The following CTNNA3 variants were observed in gnomAD, a reference collection of about 807,000 sequenced individuals.
CTNNA3 encodes the protein catenin alpha 3.
CTNNA3 carries 76 observed loss-of-function variants against 95.7 expected under a neutral mutation model. The ratio of observed to expected loss-of-function variants is 0.79; its 90% CI spans 0.66 to 0.96. CTNNA3 has a LOEUF of 0.96. Among genes scored for constraint, CTNNA3 ranks in the 40% least tolerant of loss-of-function variants. The pLI is 0.00. For missense variants in CTNNA3, 1,191 were observed against 1,089.8 expected, an observed-to-expected ratio of 1.09 and a Z score of -1.31; for synonymous variants, 431 against 374.4, an observed-to-expected ratio of 1.15 and a Z score of -1.74.
chr10:65,936,964 T>C (rs900234014), intron 17 of CTNNA3, among the ~76,000 whole-genome samples: 5 of 151,852 alleles, frequency 3.3e-5, no homozygotes, highest in African/African-American at 1.2e-4. Flanking sequence ...ACATGACAAT[T>C]ACATAAGTTA....
At chr10:66,513,429 T>C (rs1201496614) in intron 11 of CTNNA3, among the ~76,000 whole-genome samples, 1 of 152,160 alleles carries the variant, frequency 6.6e-6, no homozygotes, top group East Asian at 1.9e-4. Context: ...CTGAAAGCTG[T>C]GATGTGACTT....
At chr10:66,424,646 G>C (rs2093223793) in intron 11 of CTNNA3, among the ~76,000 whole-genome samples, 3 of 151,930 alleles carry the variant, frequency 2.0e-5, no homozygotes, top group Admixed American at 2.0e-4. Flanking sequence ...AGATAATGTA[G>C]TTTATAGTGA....
intron 7 of CTNNA3, among the ~76,000 whole-genome samples, chr10:66,888,913 C>T (rs1845149872): frequency 6.6e-6 from 1 of 152,194 alleles, no homozygotes; most frequent in African/African-American, 2.4e-5. Context: ...CTAAAACCTA[C>T]ACACGGATGT....
In CTNNA3 at chr10:66,360,761, TTCCTTCCTTTTC is replaced by T. The variant is rs1486131445; in HGVS notation, c.1732+18379_1732+18390del. Among the ~76,000 whole-genome samples the T allele has an allele frequency of 2.8e-4, 35 of 127,228 alleles. 2 individuals are homozygous for T. The highest frequency in any genetic ancestry group is 8.8e-4 in the African/African-American group (31 of 35,170). 83.5% of individuals were successfully genotyped at this position (127,228 alleles called of 152,430 possible). Reference sequence around the variant, plus strand: ...CTTTCTTTCTTCCTTCCTTCCTTCCTTCCTTCCTTTTCTTTCTTTCTTTCTTCCTTCCTTCCT... The same window carrying T: ...CTTTCTTTCTTCCTTCCTTCCTTCCTTTTCTTTCTTTCTTCCTTCCTTCCT... On this transcript the variant is annotated intron_variant, in intron 12 of 17. Transcript: ENST00000433211.
intron 12 of CTNNA3, among the ~76,000 whole-genome samples, chr10:66,304,011 A>G (rs1030706239): frequency 2.6e-5 from 4 of 152,208 alleles, no homozygotes; most frequent in Non-Finnish European, 5.9e-5. Context: ...AAGGAAATGT[A>G]AACTAAGAAA....
intron 9 of CTNNA3, among the ~76,000 whole-genome samples, chr10:66,624,409 G>GA (rs1471567432): frequency 6.6e-6 from 1 of 151,788 alleles, no homozygotes; most frequent in African/African-American, 2.4e-5. Flanking sequence ...AAAAAGAAAA[G>GA]AAAAAAAGAA....
chr10:66,590,825 G>C (rs1380461331), intron 10 of CTNNA3, among the ~76,000 whole-genome samples: 1 of 151,966 alleles, frequency 6.6e-6, no homozygotes, highest in Non-Finnish European at 1.5e-5. Flanking sequence ...AACTGATAAT[G>C]CATTTGATTA....
At chr10:66,698,439 T>C (rs1232708970) in intron 9 of CTNNA3, among the ~76,000 whole-genome samples, 2 of 152,104 alleles carry the variant, frequency 1.3e-5, no homozygotes, top group African/African-American at 4.8e-5. Flanking sequence ...CCAAAATACC[T>C]GCAGGTGGTA....
chr10:66,716,681 CT>C (rs1848461095), intron 9 of CTNNA3, among the ~76,000 whole-genome samples: 1 of 152,110 alleles, frequency 6.6e-6, no homozygotes, highest in Non-Finnish European at 1.5e-5. Flanking sequence ...GGACAAAGAC[CT>C]TTCTTTCCTG....
At chr10:66,331,302 A>G (rs1456951116) in intron 12 of CTNNA3, among the ~76,000 whole-genome samples, 1 of 142,208 alleles carries the variant, frequency 7.0e-6, no homozygotes, top group African/African-American at 2.7e-5. Context: ...CAGTTTTCCC[A>G]GCACCATTTA....
chr10:66,432,044 T>C (rs1339983050), intron 11 of CTNNA3, among the ~76,000 whole-genome samples: 2 of 152,114 alleles, frequency 1.3e-5, no homozygotes, highest in African/African-American at 4.8e-5. Context: ...GAAAAGTTTG[T>C]GTTTTGATCT....
chr10:66,605,266 A>G (rs1226645752), intron 10 of CTNNA3, among the ~76,000 whole-genome samples: 1 of 152,174 alleles, frequency 6.6e-6, no homozygotes, highest in African/African-American at 2.4e-5. Context: ...GAGAAAAAAG[A>G]ATGAAAAGGA....
intron 10 of CTNNA3, among the ~76,000 whole-genome samples, chr10:66,572,474 T>A (rs532593790): frequency 4.6e-5 from 7 of 151,668 alleles, no homozygotes; most frequent in Non-Finnish European, 8.8e-5. Context: ...TATCTCTACA[T>A]CTACCTATCT....
intron 12 of CTNNA3, among the ~76,000 whole-genome samples, chr10:66,330,243 C>T (rs574407077): frequency 1.2e-3 from 178 of 151,424 alleles, no homozygotes; most frequent in African/African-American, 4.2e-3. Context: ...CAACAGGCCC[C>T]GGTGTGTGAT....
At position 66,901,704 on chromosome 10, in the gene CTNNA3, CA is replaced by C. The variant is rs541814394; in HGVS notation, c.1048-126181del. ...AAGATCTACCAAGCAAATGGAAAGCCAAAAAAAAGCAGGGGTTGCAATCCTA... is the reference window on the plus strand; with the variant it reads ...AAGATCTACCAAGCAAATGGAAAGCCAAAAAAAGCAGGGGTTGCAATCCTA... On this transcript the variant is annotated intron_variant, in intron 7 of 17. Transcript: ENST00000433211. Among the ~76,000 whole-genome samples the C allele has an allele frequency of 6.2e-4, 93 of 150,802 alleles. 1 individual carries two copies. The East Asian group carries it at 0.015, about 24-fold the overall frequency.
chr10:66,878,769 G>A (rs1377897201), intron 7 of CTNNA3, among the ~76,000 whole-genome samples: 2 of 152,054 alleles, frequency 1.3e-5, no homozygotes, highest in Non-Finnish European at 2.9e-5. Context: ...TTTCATACCT[G>A]TACAGTGGCC....
intron 5 of CTNNA3, among the ~76,000 whole-genome samples, chr10:67,296,740 C>A (rs1316663251): frequency 2.6e-5 from 4 of 151,776 alleles, no homozygotes; most frequent in Non-Finnish European, 5.9e-5. Context: ...TCAAGACCAG[C>A]CTGGCCAATG....
intron 13 of CTNNA3, among the ~76,000 whole-genome samples, chr10:66,277,892 A>C (rs1384225968): frequency 6.6e-6 from 1 of 152,078 alleles, no homozygotes; most frequent in African/African-American, 2.4e-5. Context: ...TCTCAGTTGC[A>C]TGGAACATCA....
At chr10:67,691,620 C>A (rs1210875066) in intron 1 of CTNNA3, among the ~76,000 whole-genome samples, 1 of 151,864 alleles carries the variant, frequency 6.6e-6, no homozygotes, top group African/African-American at 2.4e-5. Flanking sequence ...GCCTGGCAAC[C>A]GCCCCGTCTG....
Sources: allele counts gnomAD v4.1 joint callset (sites outside exome capture counted in the v4.1 genomes callset), GRCh38; gene constraint gnomAD v4.1.1; transcripts MANE v1.5; gene names NCBI Gene and HGNC (gene_info 2026-07-23, HGNC 2026-07-21).